PAK3: variants seen among roughly 807,000 people sequenced by gnomAD.
PAK3 encodes the protein serine/threonine-protein kinase PAK 3.
Under a neutral mutation model 41.0 loss-of-function variants are expected in PAK3, and 4 were observed. The ratio of observed to expected loss-of-function variants is 0.10; its 90% confidence interval spans 0.05 to 0.22. The LOEUF (loss-of-function observed/expected upper bound fraction) is 0.22. PAK3 is among the 10% of genes least tolerant of loss of function. PAK3 has a pLI of 1.00. For synonymous variants in PAK3, 146 were observed against 139.6 expected (o/e 1.05, Z -0.32); for missense variants, 205 against 409.9 (o/e 0.50, Z 4.32).
At chrX:111,191,324 T>C (rs7052251) in intron 11 of PAK3, among the ~76,000 whole-genome samples, 15,499 of 110,749 alleles carry the variant, frequency 0.14, 2,649 homozygotes, top group African/African-American at 0.47. Flanking sequence ...GTCTCAAACT[T>C]CTGGGCTCAA....
At chrX:111,207,209 C>CACATAT (rs750092802) in intron 16 of PAK3, among the ~76,000 whole-genome samples, 16 of 107,153 alleles carry the variant, frequency 1.5e-4, no homozygotes, top group Admixed American at 1.3e-3. Flanking sequence ...TATATATATA[C>CACATAT]ACATATACAT....
chrX:111,111,041 C>G (rs1286610564), intron 4 of PAK3, among the ~76,000 whole-genome samples: 1 of 111,759 alleles, frequency 8.9e-6, no homozygotes, highest in Non-Finnish European at 1.9e-5. Context: ...GAGATCTGGT[C>G]TAGTCCTCCT....
intron 5 of PAK3, among the ~76,000 whole-genome samples, chrX:111,125,349 T>C (rs2093633630): frequency 9.0e-6 from 1 of 111,160 alleles, no homozygotes; most frequent in Admixed American, 9.6e-5. Context: ...AGAGCAATCA[T>C]TGGCGGAAGT....
chrX:110,988,115 G>A (rs1488751406), intron 1 of PAK3, among the ~76,000 whole-genome samples: 5 of 112,855 alleles, frequency 4.4e-5, no homozygotes, highest in African/African-American at 6.4e-5. Flanking sequence ...TCAGTGCACA[G>A]CTAGTCCTTG....
At chrX:111,051,756 TAA>T (rs1275001753) in intron 1 of PAK3, among the ~76,000 whole-genome samples, 1 of 110,822 alleles carries the variant, frequency 9.0e-6, no homozygotes. Context: ...TGAAAATAAG[TAA>T]AGAGGGCAAT....
At chrX:110,986,943 A>C (rs2091555389) in intron 1 of PAK3, among the ~76,000 whole-genome samples, 1 of 112,207 alleles carries the variant, frequency 8.9e-6, no homozygotes, top group African/African-American at 3.2e-5. Flanking sequence ...AAACATATAC[A>C]CACTACAAAC....
upstream of PAK3, among the ~76,000 whole-genome samples, chrX:111,093,448 G>C (rs1011771984): frequency 6.3e-5 from 7 of 111,610 alleles, no homozygotes; most frequent in African/African-American, 2.3e-4. Flanking sequence ...ACAGTGAGTT[G>C]GGTGGTAAAA....
At chrX:110,973,298 T>C (rs891417761) in intron 1 of PAK3, among the ~76,000 whole-genome samples, 5 of 111,682 alleles carry the variant, frequency 4.5e-5, no homozygotes, top group Non-Finnish European at 7.5e-5. Context: ...GAAAAAGTGT[T>C]AAGGGTAGCC....
intron 1 of PAK3, among the ~76,000 whole-genome samples, chrX:110,986,909 TA>T (rs1239729873): frequency 2.7e-5 from 3 of 111,775 alleles, no homozygotes; most frequent in Non-Finnish European, 3.8e-5. Context: ...CAGTGTTTGG[TA>T]AATAACTAGT....
At chrX:111,156,515 A>G (rs1284665168) in intron 8 of PAK3, among the ~76,000 whole-genome samples, 1 of 112,046 alleles carries the variant, frequency 8.9e-6, no homozygotes, top group African/African-American at 3.2e-5. Flanking sequence ...TGTTTTCCTT[A>G]TAGTTCTAGA....
At chrX:110,980,587 A>G (rs1467162725) in intron 1 of PAK3, among the ~76,000 whole-genome samples, 1 of 111,565 alleles carries the variant, frequency 9.0e-6, no homozygotes, top group Non-Finnish European at 1.9e-5. Context: ...CAACTCATAA[A>G]AGGCAGATGG....
intron 4 of PAK3, among the ~76,000 whole-genome samples, chrX:111,113,119 C>A (rs1041864128): frequency 1.8e-5 from 2 of 111,265 alleles, no homozygotes; most frequent in African/African-American, 6.5e-5. Context: ...CAACCTAGTG[C>A]TTCCTACCTT....
intron 1 of PAK3, among the ~76,000 whole-genome samples, chrX:111,047,406 GT>G (rs1224266934): frequency 4.4e-4 from 46 of 104,167 alleles, no homozygotes; most frequent in Non-Finnish European, 4.8e-4. Context: ...ATGGTTTTAG[GT>G]TTTTTTTTTT....
chrX:110,972,766 G>A (rs1408940382), intron 1 of PAK3, among the ~76,000 whole-genome samples: 2 of 111,413 alleles, frequency 1.8e-5, no homozygotes, highest in South Asian at 3.8e-4. Context: ...AAACTTCTCC[G>A]AGCCAGAGGA....
chrX:110,984,597 CA>C (rs1487340540), intron 1 of PAK3, among the ~76,000 whole-genome samples: 3 of 111,850 alleles, frequency 2.7e-5, no homozygotes, highest in Non-Finnish European at 5.6e-5. Flanking sequence ...TGGGTGCTCA[CA>C]ACACAGGCTG....
rs764185467 is a variant in PAK3, at chrX:111,125,967, C to A, written c.175+2689C>A. On this transcript the variant is annotated intron_variant, in intron 5 of 17. Transcript: ENST00000372007. Reference sequence around the variant, plus strand: ...CAAAAAGGACTTGAGAAGATGAAAGCATCTTTAGAAGGGCCACTTAAATTC... The same window carrying A: ...CAAAAAGGACTTGAGAAGATGAAAGAATCTTTAGAAGGGCCACTTAAATTC... Among the ~76,000 whole-genome samples, 4 of 111,805 alleles carry A rather than the reference C, an allele frequency of 3.6e-5. No individual in the cohort carries two copies. In the South Asian group the frequency reaches 1.5e-3, roughly 42 times the overall value.
chrX:111,170,907 C>G (rs1167414763), intron 10 of PAK3, among the ~76,000 whole-genome samples: 1 of 111,214 alleles, frequency 9.0e-6, no homozygotes, highest in Non-Finnish European at 1.9e-5. Context: ...GAAGGACCTT[C>G]TCTGTCTAAC....
chrX:111,143,073 A>G (rs1273196816), intron 6 of PAK3, among the ~76,000 whole-genome samples: 1 of 110,908 alleles, frequency 9.0e-6, no homozygotes, highest in Non-Finnish European at 1.9e-5. Flanking sequence ...CTTTTCCCAT[A>G]CTATTAGTGA....
intron 5 of PAK3, among the ~76,000 whole-genome samples, chrX:111,132,128 A>G (rs929349779): frequency 2.7e-5 from 3 of 111,215 alleles, no homozygotes; most frequent in Admixed American, 9.5e-5. Flanking sequence ...GCCTTTTAGT[A>G]ACAGATAAAT....
Sources: gnomAD v4.1 joint callset for allele counts (sites outside exome capture counted in the v4.1 genomes callset) on GRCh38, gnomAD v4.1.1 for gene constraint, MANE v1.5 for transcripts, NCBI Gene and HGNC (gene_info 2026-07-23, HGNC 2026-07-21) for gene names.